Variants in RET observed in about 807,000 individuals in gnomAD.
RET encodes proto-oncogene tyrosine-protein kinase receptor Ret.
RET carries 19 observed loss-of-function variants against 118.3 expected under a neutral mutation model. That is an observed-to-expected ratio of 0.16 (90% CI 0.11 to 0.24). RET has a LOEUF of 0.24. Ranked by LOEUF, RET falls within the 10% of genes least tolerant of loss-of-function variation. The pLI is 1.00. For missense variants in RET, 1,219 were observed against 1,502.1 expected, an observed-to-expected ratio of 0.81 and a Z score of 3.12; for synonymous variants, 597 against 644.1, an observed-to-expected ratio of 0.93 and a Z score of 1.11.
At chr10:43,080,036 A>T (rs898150537) in intron 1 of RET, among the ~76,000 whole-genome samples, 1 of 152,208 alleles carries the variant, frequency 6.6e-6, no homozygotes, top group Non-Finnish European at 1.5e-5. Flanking sequence ...CAAATGGGGA[A>T]GTGCATTGAG....
At chr10:43,094,187 G>A (rs1026760784) in intron 1 of RET, among the ~76,000 whole-genome samples, 1 of 152,052 alleles carries the variant, frequency 6.6e-6, no homozygotes, top group Non-Finnish European at 1.5e-5. Flanking sequence ...CTGGCCTGGG[G>A]AGGCGGGGAC....
At chr10:43,113,359 G>T (rs112675631) in intron 9 of RET, among the ~76,000 whole-genome samples, 197 bp from the exon 10 acceptor site, 9,442 of 152,248 alleles carry the variant, frequency 0.062, 348 homozygotes, top group African/African-American at 0.1. Context: ...AGGGGGCCTG[G>T]CTTCACCCAT....
intron 19 of RET, chr10:43,126,986 GGC>G: frequency 7.2e-7 from 1 of 1,386,948 alleles, no homozygotes; most frequent in Non-Finnish European, 9.3e-7. Context: ...AACAGATCAG[GGC>G]GGAACTCTCA....
chr10:43,089,551 G>A (rs552539276), intron 1 of RET, among the ~76,000 whole-genome samples: 1 of 152,240 alleles, frequency 6.6e-6, no homozygotes, highest in Non-Finnish European at 1.5e-5. Context: ...CGTAGGAAGT[G>A]CATGTCCGTT....
intron 1 of RET, among the ~76,000 whole-genome samples, chr10:43,082,718 A>G (rs947204647): frequency 6.6e-6 from 1 of 152,220 alleles, no homozygotes; most frequent in Non-Finnish European, 1.5e-5. Flanking sequence ...AGCTGTTTCC[A>G]GTTCCCTTGT....
chr10:43,105,225 G>A (rs1837742245), intron 4 of RET, 32 bp downstream of exon 4: 15 of 1,612,170 alleles, frequency 9.3e-6, no homozygotes, highest in Non-Finnish European at 1.3e-5. Context: ...GGTCTACCCA[G>A]TGTCTGTCTC....
chr10:43,113,540 C>A lies in RET; in HGVS notation c.1760-16C>A, dbSNP rs2132825768. On this transcript the variant is annotated splice_polypyrimidine_tract_variant and intron_variant, in intron 9 of 19. Transcript: ENST00000355710. ...CAGGCGCCCCAGGAGGCTGAGTGGGCTACGTCTGCCCTCAGGGGGCAGCAT... is the reference window on the plus strand; with the variant it reads ...CAGGCGCCCCAGGAGGCTGAGTGGGATACGTCTGCCCTCAGGGGGCAGCAT... The A allele has an allele frequency of 6.3e-7, 1 of 1,599,060 alleles. No individual in the cohort carries two copies. The highest frequency in any genetic ancestry group is 1.7e-5 in the Admixed American group (1 of 58,104).
intron 1 of RET, among the ~76,000 whole-genome samples, chr10:43,093,179 A>G (rs1837445535): frequency 6.6e-6 from 1 of 152,012 alleles, no homozygotes; most frequent in Admixed American, 6.5e-5. Flanking sequence ...ATGAGGAGCT[A>G]TGTTTTATTC....
Position 43,120,122 on chromosome 10 carries a change from T to A in RET, c.2649T>A (p.Ala883=), listed in dbSNP as rs2132960541. The A allele has an allele frequency of 6.2e-7, 1 of 1,614,026 alleles. No homozygotes were observed. Among genetic ancestry groups the A allele is most frequent in the Non-Finnish European group, 8.5e-7 (1 of 1,180,010 alleles). ...TGGCAGCCAGAAACATCCTGGTAGC[T>A]GAGGGGCGGAAGATGAAGATTTCGG... ...RDLAARNILV[A]EGRKMKISDF... is the part of the protein sequence containing the mutation. The change falls in exon 15 of 20, where the codon GCT becomes GCA. Residue 883 remains alanine, a synonymous_variant. Transcript: ENST00000355710.
chr10:43,089,162 G>A (rs1444231659), intron 1 of RET, among the ~76,000 whole-genome samples: 2 of 152,234 alleles, frequency 1.3e-5, no homozygotes, highest in African/African-American at 2.4e-5. Flanking sequence ...GTCAGGCAGC[G>A]TCCGCTCAGC....
At chr10:43,083,089 G>A (rs1243308276) in intron 1 of RET, among the ~76,000 whole-genome samples, 1 of 152,202 alleles carries the variant, frequency 6.6e-6, no homozygotes, top group Non-Finnish European at 1.5e-5. Flanking sequence ...TCTGGGCCTG[G>A]CCCTCCTCAC....
Position 43,119,819 on chromosome 10 carries a change from A to T in RET, c.2607+74A>T, listed in dbSNP as rs1006362690. ...CTGACCCACCACGCCCCTGCCACCC[A>T]CACCCTGGCCTGCCACTCCCCCACC... is the stretch of plus-strand genomic sequence containing the variant. On this transcript the variant is annotated intron_variant, in intron 14 of 19. Transcript: ENST00000355710. The T allele has an allele frequency of 2.1e-6, 3 of 1,458,934 alleles. No individual in the cohort carries two copies. The African/African-American group carries it at 4.5e-5, about 22-fold the overall frequency. 90.4% of individuals were successfully genotyped at this position (1,458,934 alleles called of 1,614,324 possible).
At position 43,114,653 on chromosome 10, in the gene RET, G is replaced by A. The variant is rs753686782; in HGVS notation, c.2053G>A (p.Val685Ile). The change falls in exon 11 of 20, where the codon GTC becomes ATC. Residue 685 changes from valine to isoleucine, a missense_variant. This residue lies in a region of RET where 850 missense variants were observed against 969.6 expected (regional missense o/e 0.88). Coordinates refer to ENST00000355710, the MANE Select transcript of RET (RefSeq NM_020975.6). The surrounding 1 kb of genome is among the most constrained non-coding windows in gnomAD (Gnocchi z 4.6). The stretch of plus-strand genomic sequence containing the variant: ...CCGGAGGCCCGCCCAGGCCTTCCCG[G>A]TCAGCTACTCCTCTTCCGGTGCCCG... ...TFRRPAQAFP[V>I]SYSSSGARRP... 2.5e-6 allele frequency: 4 copies of A among 1,612,828 alleles called. No homozygotes were observed. The East Asian group carries it at 8.9e-5, about 36-fold the overall frequency.
chr10:43,109,687 C>T (rs1369041086), intron 6 of RET, among the ~76,000 whole-genome samples: 2 of 152,182 alleles, frequency 1.3e-5, no homozygotes, highest in East Asian at 1.9e-4. Flanking sequence ...AGGCAGGAAA[C>T]GCTTCCACTT....
chr10:43,128,663 C>A lies in RET; in HGVS notation c.*394C>A. ...TTGGATTTTTCTAGTTGCCGCCAAACAAGGCAAAAAAATTTAAACATGAAG... is the reference window on the plus strand; with the variant it reads ...TTGGATTTTTCTAGTTGCCGCCAAAAAAGGCAAAAAAATTTAAACATGAAG... On this transcript the variant is annotated 3_prime_UTR_variant, in exon 20 of 20. Transcript: ENST00000355710. The A allele has an allele frequency of 5.1e-6, 2 of 388,416 alleles. No homozygotes were observed. Among genetic ancestry groups the A allele is most frequent in the Non-Finnish European group, 9.6e-6 (2 of 207,662 alleles). The allele number at this position is 388,416 out of a possible 1,614,324, so 24.1% of individuals were successfully genotyped here.
intron 1 of RET, among the ~76,000 whole-genome samples, chr10:43,086,912 G>T (rs1257455743): frequency 6.6e-6 from 1 of 152,240 alleles, no homozygotes; most frequent in Non-Finnish European, 1.5e-5. Flanking sequence ...GCCTTGGGCT[G>T]CCAGGTCCCC....
chr10:43,092,451 G>C (rs1837430229), intron 1 of RET, among the ~76,000 whole-genome samples: 1 of 152,220 alleles, frequency 6.6e-6, no homozygotes, highest in South Asian at 2.1e-4. Flanking sequence ...AAAATTTTAA[G>C]ATGATAAAGT....
At chr10:43,110,818 C>A (rs1227324233) in intron 6 of RET, among the ~76,000 whole-genome samples, 1 of 152,058 alleles carries the variant, frequency 6.6e-6, no homozygotes, top group African/African-American at 2.4e-5. Context: ...CAGCTGGGAG[C>A]AGCCAGGGAG....
At chr10:43,112,772 G>T in intron 8 of RET, 81 bp from the exon 9 acceptor site, 1 of 1,105,412 alleles carries the variant, frequency 9.0e-7, no homozygotes, top group East Asian at 2.5e-5. Context: ...CTCCCTAGAG[G>T]GGCAGGATCT....
Sources: gnomAD v4.1 joint callset for allele counts (sites outside exome capture counted in the v4.1 genomes callset) on GRCh38, gnomAD v4.1.1 for gene constraint, gnomAD v4.1.1 regional missense constraint, Gnocchi (gnomAD v3.1) non-coding constraint, MANE v1.5 for transcripts, NCBI Gene and HGNC (gene_info 2026-07-23, HGNC 2026-07-21) for gene names.